The following HSF2BP variants were observed in gnomAD, a reference collection of about 807,000 sequenced individuals.
HSF2BP encodes the protein heat shock transcription factor 2 binding protein.
HSF2BP carries 35 observed loss-of-function variants against 35.0 expected under a neutral mutation model. That is an observed-to-expected ratio of 1.00 (90% CI 0.76 to 1.32). The LOEUF (loss-of-function observed/expected upper bound fraction) is 1.32. HSF2BP is among the 40% of genes most tolerant of loss of function. The pLI is 0.00. For synonymous variants in HSF2BP, 114 were observed against 117.4 expected, an observed-to-expected ratio of 0.97 and a Z score of 0.18; for missense variants, 326 against 321.7, an observed-to-expected ratio of 1.01 and a Z score of -0.10.
chr21:43,468,077 C>A, the HSF2BP span, among the ~76,000 whole-genome samples: 1 of 141,156 alleles, frequency 7.1e-6, no homozygotes. Context: ...CCACAAACCA[C>A]ACACAACACA....
intron 7 of HSF2BP, among the ~76,000 whole-genome samples, chr21:43,604,469 C>A (rs2082096236): frequency 7.6e-6 from 1 of 131,082 alleles, no homozygotes; most frequent in African/African-American, 2.8e-5. Flanking sequence ...ACACAACACA[C>A]AGCACGCACA....
chr21:43,617,078 C>A (rs1465864011), intron 6 of HSF2BP, among the ~76,000 whole-genome samples: 3 of 152,070 alleles, frequency 2.0e-5, no homozygotes, highest in Non-Finnish European at 4.4e-5. Flanking sequence ...CAGCTAAGGC[C>A]CCAGATGTTG....
chr21:43,618,543 C>T (rs1303188794), intron 6 of HSF2BP, among the ~76,000 whole-genome samples: 2 of 152,032 alleles, frequency 1.3e-5, no homozygotes, highest in African/African-American at 4.8e-5. Flanking sequence ...ACAAATGGTG[C>T]TAAAACAACT....
At chr21:43,574,008 G>A (rs192179716) in intron 8 of HSF2BP, among the ~76,000 whole-genome samples, 366 of 152,224 alleles carry the variant, frequency 2.4e-3, no homozygotes, top group African/African-American at 8.6e-3. Context: ...AGCCATCGAC[G>A]GGCTTCTGCT....
intron 7 of HSF2BP, among the ~76,000 whole-genome samples, chr21:43,602,459 G>C (rs532532328): frequency 2.2e-4 from 34 of 152,178 alleles, no homozygotes; most frequent in Non-Finnish European, 3.7e-4. Flanking sequence ...GCAGAGCTCA[G>C]AGCTGCTTCT....
Position 43,656,671 on chromosome 21 carries a change from C to T in HSF2BP, c.103G>A (p.Val35Met), listed in dbSNP as rs777962052. 7 of 1,613,940 alleles carry T rather than the reference C, an allele frequency of 4.3e-6. No individual in the cohort carries two copies. In the African/African-American group the frequency reaches 8.0e-5, roughly 18 times the overall value. ...GGTAAGAAGTCCCGTATTTGCATCA[C>T]TTCAGTTGTCAGCCGTTCCAGATCC... ...KKDLERLTTE[V>M]MQIRDFLPRI... Residue 35 changes from valine (V) to methionine (M), a missense_variant, in exon 3 of 9, where the codon GTG becomes ATG. Coordinates refer to ENST00000291560, the MANE Select transcript of HSF2BP (RefSeq NM_007031.2).
intron 7 of HSF2BP, among the ~76,000 whole-genome samples, chr21:43,604,593 T>C (rs563557658): frequency 1.1e-5 from 1 of 92,848 alleles, no homozygotes; most frequent in East Asian, 3.6e-4. Flanking sequence ...CACACCACCA[T>C]ACACACATCA....
At chr21:43,620,915 T>C (rs1188073022) in intron 6 of HSF2BP, among the ~76,000 whole-genome samples, 1 of 151,796 alleles carries the variant, frequency 6.6e-6, no homozygotes, top group Admixed American at 6.6e-5. Flanking sequence ...GGAATGAAGA[T>C]CACCTACAAG....
intron 7 of HSF2BP, among the ~76,000 whole-genome samples, chr21:43,604,335 C>A (rs1332550285): frequency 7.2e-6 from 1 of 138,376 alleles, no homozygotes; most frequent in African/African-American, 2.7e-5. Context: ...CACACACACA[C>A]ACATCACGCA....
intron 7 of HSF2BP, among the ~76,000 whole-genome samples, chr21:43,610,698 G>A (rs938689103): frequency 1.3e-5 from 2 of 152,170 alleles, no homozygotes; most frequent in African/African-American, 4.8e-5. Flanking sequence ...TGACAAGGAC[G>A]TGGGAAACAC....
chr21:43,656,307 T>A (rs937079786), intron 3 of HSF2BP, among the ~76,000 whole-genome samples: 1 of 152,228 alleles, frequency 6.6e-6, no homozygotes, highest in Admixed American at 6.5e-5. Context: ...ATAGAGCTTT[T>A]CAGTTATCAA....
intron 2 of HSF2BP, among the ~76,000 whole-genome samples, chr21:43,657,526 C>CA (rs2082889126): frequency 6.6e-6 from 1 of 152,180 alleles, no homozygotes; most frequent in Admixed American, 6.5e-5. Context: ...CCCAAGCCTC[C>CA]AAGATTGTCT....
intron 4 of HSF2BP, among the ~76,000 whole-genome samples, chr21:43,642,978 C>A (rs2082659717): frequency 6.6e-6 from 1 of 151,910 alleles, no homozygotes; most frequent in Non-Finnish European, 1.5e-5. Flanking sequence ...TCCCAAAGTG[C>A]TGGGATTACA....
At chr21:43,574,184 G>A (rs766877604) in intron 8 of HSF2BP, among the ~76,000 whole-genome samples, 2 of 152,208 alleles carry the variant, frequency 1.3e-5, no homozygotes, top group East Asian at 1.9e-4. Flanking sequence ...ACATCATCTC[G>A]CCCTTTCAAC....
chr21:43,599,202 T>C (rs1254734864), intron 7 of HSF2BP, among the ~76,000 whole-genome samples: 1 of 152,218 alleles, frequency 6.6e-6, no homozygotes. Flanking sequence ...ATTTTCATAT[T>C]TGGTCAAAAT....
chr21:43,650,998 G>A (rs891266932), intron 3 of HSF2BP, among the ~76,000 whole-genome samples: 8 of 151,982 alleles, frequency 5.3e-5, no homozygotes, highest in African/African-American at 1.7e-4. Flanking sequence ...GTGAGCCACC[G>A]CACCCGGCCC....
At chr21:43,644,048 T>C (rs1399304528) in intron 4 of HSF2BP, among the ~76,000 whole-genome samples, 1 of 152,202 alleles carries the variant, frequency 6.6e-6, no homozygotes, top group African/African-American at 2.4e-5. Flanking sequence ...AACCTTTATG[T>C]TGTAGGGCAG....
At chr21:43,576,074 C>T (rs1430165344) in intron 8 of HSF2BP, among the ~76,000 whole-genome samples, 4 of 148,538 alleles carry the variant, frequency 2.7e-5, no homozygotes, top group Admixed American at 6.8e-5. Context: ...GCCAAGATCG[C>T]GCAACTGCAC....
At position 43,611,481 on chromosome 21, in the gene HSF2BP, G is replaced by A. The variant is rs144266322; in HGVS notation, c.692+2349C>T. 1.1e-4 allele frequency among the ~76,000 whole-genome samples: 17 copies of A among 152,294 alleles called. 1 individual carries two copies. The highest frequency in any genetic ancestry group is 2.4e-4 in the Non-Finnish European group (16 of 68,026). On this transcript the variant is annotated intron_variant, in intron 7 of 8. Coordinates refer to ENST00000291560, the MANE Select transcript of HSF2BP (RefSeq NM_007031.2). ...AAACAGTAGCAGGCAGATAGGGGAAGAAGATCAAAATTTTAAGAACCACTA... is the reference window on the plus strand; with the variant it reads ...AAACAGTAGCAGGCAGATAGGGGAAAAAGATCAAAATTTTAAGAACCACTA...
Sources: allele counts gnomAD v4.1 joint callset (sites outside exome capture counted in the v4.1 genomes callset), GRCh38; gene constraint gnomAD v4.1.1; transcripts MANE v1.5; gene names NCBI Gene and HGNC (gene_info 2026-07-23, HGNC 2026-07-21).